Variants in EHMT1 observed in about 807,000 individuals in gnomAD.
EHMT1 encodes the protein histone-lysine N-methyltransferase EHMT1.
Under a neutral mutation model 147.2 loss-of-function variants are expected in EHMT1, and 15 were observed. The ratio of observed to expected loss-of-function variants is 0.10; its 90% confidence interval spans 0.07 to 0.16. EHMT1 has a LOEUF of 0.16. Among genes scored for constraint, EHMT1 ranks in the 10% least tolerant of loss-of-function variants. The pLI is 1.00. For synonymous variants in EHMT1, 795 were observed against 709.6 expected (o/e 1.12, Z -1.91); for missense variants, 1,587 against 1,772.4 (o/e 0.90, Z 1.88).
intron 16 of EHMT1, chr9:137,792,078 T>G (rs1195120200): frequency 6.4e-6 from 3 of 469,568 alleles, no homozygotes; most frequent in African/African-American, 6.0e-5. Flanking sequence ...CTAAAGTTTA[T>G]ACGGAGTCTC....
chr9:137,776,969 G>C lies in EHMT1; in HGVS notation c.2018+125G>C. 1.1e-6 allele frequency: 1 copy of C among 872,134 alleles called. No individual in the cohort carries two copies. Among genetic ancestry groups the C allele is most frequent in the Non-Finnish European group, 1.8e-6 (1 of 560,700 alleles). 54.0% of individuals were successfully genotyped at this position (872,134 alleles called of 1,614,324 possible). On this transcript the variant is annotated intron_variant, in intron 12 of 26. Transcript: ENST00000460843. The surrounding 1 kb of genome is among the most constrained non-coding windows in gnomAD (Gnocchi z 4.4). ...TCTCTGAGCTGATGCTGATGCTTAT[G>C]GTGATTTCTGACATTTAAGACTCTG...
At chr9:137,817,175 T>C (rs560549683) in intron 23 of EHMT1, 38 of 547,234 alleles carry the variant, frequency 6.9e-5, no homozygotes, top group African/African-American at 6.4e-4. Context: ...GTCCCCATGT[T>C]ACAGATGGGG....
At chr9:137,806,592 C>T (rs756917996) in intron 18 of EHMT1, among the ~76,000 whole-genome samples, 6 of 152,230 alleles carry the variant, frequency 3.9e-5, no homozygotes, top group South Asian at 2.1e-4. Flanking sequence ...CTGGCCACCA[C>T]GCCCGGGAAA....
intron 25 of EHMT1, among the ~76,000 whole-genome samples, chr9:137,833,495 A>G (rs1278811709): frequency 6.6e-6 from 1 of 152,152 alleles, no homozygotes; most frequent in Non-Finnish European, 1.5e-5. Context: ...GCCGGCCGGG[A>G]CCACCTACCT....
chr9:137,630,732 A>G (rs775668867), intron 1 of EHMT1, among the ~76,000 whole-genome samples: 1 of 152,088 alleles, frequency 6.6e-6, no homozygotes, highest in Non-Finnish European at 1.5e-5. Context: ...ATGGTGTGTG[A>G]CATAGAAAAG....
intron 1 of EHMT1, among the ~76,000 whole-genome samples, chr9:137,653,557 T>C (rs1197795785): frequency 6.6e-6 from 1 of 152,110 alleles, no homozygotes; most frequent in African/African-American, 2.4e-5. Context: ...AGACAGAGTT[T>C]TGCTCTTGTC....
At chr9:137,757,611 T>C (rs1949476168) in intron 8 of EHMT1, among the ~76,000 whole-genome samples, 1 of 152,244 alleles carries the variant, frequency 6.6e-6, no homozygotes, top group Non-Finnish European at 1.5e-5. Flanking sequence ...TGTGCTGACA[T>C]GTTGGTGCCT....
In EHMT1 at chr9:137,777,936, C is replaced by A. The variant is rs527346049; in HGVS notation, c.2073C>A (p.His691Gln). 1.9e-6 allele frequency: 3 copies of A among 1,613,880 alleles called. No homozygotes were observed. The South Asian group carries it at 3.3e-5, about 18-fold the overall frequency. ...EDDKLQGAAS[H>Q]VPEGFDPTGP... ...ACAAGCTGCAGGGTGCAGCCTCCCA[C>A]GTGCCCGAGGGCTTTGATCCAACGG... The change falls in exon 13 of 27, where the codon CAC (histidine) becomes CAA (glutamine). Residue 691 changes from histidine (H) to glutamine (Q), a missense_variant. By Grantham distance (24) the His-to-Gln change is conservative (BLOSUM62 0). Around this residue, in one of 7 missense-constraint regions of EHMT1, gnomAD observed 77 missense variants for 79.3 expected, o/e 0.97. Transcript: ENST00000460843.
At chr9:137,696,727 C>T (rs1312514553) in intron 1 of EHMT1, among the ~76,000 whole-genome samples, 1 of 152,132 alleles carries the variant, frequency 6.6e-6, no homozygotes. Context: ...TTCTTCATGT[C>T]TTGCCGTCAT....
Position 137,762,752 on chromosome 9 carries a change from C to T in EHMT1, c.1579C>T (p.Pro527Ser), listed in dbSNP as rs776712343. The change falls in exon 10 of 27, where the codon CCG becomes TCG. Residue 527 changes from proline (P) to serine (S), a missense_variant. Transcript: ENST00000460843. ...TCTCTGCAGCTGCCGGATGGAAACA[C>T]CGAAGAGTCGAGAGATCACCACACT... ...VPLCSCRMET[P>S]KSREITTLAN... 1 of 1,614,222 alleles carries T rather than the reference C, an allele frequency of 6.2e-7. No individual in the cohort carries two copies. Among genetic ancestry groups the T allele is most frequent in the East Asian group, 2.2e-5 (1 of 44,888 alleles).
intron 4 of EHMT1, among the ~76,000 whole-genome samples, chr9:137,739,552 A>G (rs1205770780): frequency 6.6e-6 from 1 of 152,016 alleles, no homozygotes; most frequent in Non-Finnish European, 1.5e-5. Flanking sequence ...TAGAAGCTGC[A>G]GGTCCCTGCT....
intron 6 of EHMT1, among the ~76,000 whole-genome samples, chr9:137,749,033 TAGTG>T (rs1476770425): frequency 1.3e-5 from 2 of 152,140 alleles, no homozygotes; most frequent in Non-Finnish European, 2.9e-5. Flanking sequence ...CTGAATCTGT[TAGTG>T]AGCCTGGTGT....
intron 1 of EHMT1, among the ~76,000 whole-genome samples, chr9:137,621,878 G>A (rs1292538731): frequency 7.3e-5 from 11 of 150,036 alleles, no homozygotes; most frequent in African/African-American, 2.2e-4. Context: ...AGGCACGTGC[G>A]CATAATTTAA....
chr9:137,628,677 A>G (rs949667126), intron 1 of EHMT1, among the ~76,000 whole-genome samples: 1 of 152,182 alleles, frequency 6.6e-6, no homozygotes, highest in Non-Finnish European at 1.5e-5. Context: ...GGATCTTACT[A>G]TGTCAGTTGT....
chr9:137,781,906 T>C (rs1042622246), intron 14 of EHMT1, among the ~76,000 whole-genome samples: 3 of 152,232 alleles, frequency 2.0e-5, no homozygotes, highest in African/African-American at 4.8e-5. Context: ...AATTGACCGA[T>C]GCTCAGGCCT....
At chr9:137,714,910 T>C (rs561217534) in intron 2 of EHMT1, among the ~76,000 whole-genome samples, 1 of 152,300 alleles carries the variant, frequency 6.6e-6, no homozygotes, top group Admixed American at 6.5e-5. Context: ...GAGCATGAAA[T>C]GCCTTCTATT....
At chr9:137,662,897 G>A (rs1477860203) in intron 1 of EHMT1, among the ~76,000 whole-genome samples, 4 of 151,748 alleles carry the variant, frequency 2.6e-5, no homozygotes, top group African/African-American at 7.3e-5. Flanking sequence ...GGGTTCCAGC[G>A]ATTCTCCTGC....
intron 1 of EHMT1, among the ~76,000 whole-genome samples, chr9:137,658,874 C>T (rs1938767405): frequency 6.6e-6 from 1 of 152,136 alleles, no homozygotes; most frequent in Non-Finnish European, 1.5e-5. Context: ...ATCCTCACAC[C>T]TCAGCCTCCC....
chr9:137,808,777 G>A (rs1040570143), intron 18 of EHMT1, among the ~76,000 whole-genome samples: 2 of 152,082 alleles, frequency 1.3e-5, no homozygotes, highest in African/African-American at 2.4e-5. Flanking sequence ...AAAATGATGA[G>A]CTGGGCCTGG....
Sources: allele counts gnomAD v4.1 joint callset (sites outside exome capture counted in the v4.1 genomes callset), GRCh38; gene constraint gnomAD v4.1.1; regional missense constraint gnomAD v4.1.1; non-coding constraint Gnocchi (gnomAD v3.1); transcripts MANE v1.5; gene names NCBI Gene and HGNC (gene_info 2026-07-23, HGNC 2026-07-21).